Variants in PRKCH observed in about 807,000 individuals in gnomAD.
The protein encoded by PRKCH is protein kinase C eta type.
PRKCH carries 28 observed loss-of-function variants against 82.5 expected under a neutral mutation model. That is an observed-to-expected ratio of 0.34 (90% CI 0.25 to 0.47). The LOEUF is 0.47. PRKCH is among the 20% of genes least tolerant of loss of function. The probability of loss-of-function intolerance (pLI) is 1.00; values close to 1 mark genes in which losing one functional copy is unlikely to be tolerated. For missense variants in PRKCH, 705 were observed against 881.8 expected (o/e 0.80, Z 2.54); for synonymous variants, 322 against 327.4 (o/e 0.98, Z 0.18).
At chr14:61,490,614 A>G (rs1238426915) in intron 10 of PRKCH, among the ~76,000 whole-genome samples, 1 of 152,188 alleles carries the variant, frequency 6.6e-6, no homozygotes, top group Non-Finnish European at 1.5e-5. Flanking sequence ...TCCGTTTCCA[A>G]ATGAATTTGT....
chr14:61,358,208 C>G (rs989988505), intron 1 of PRKCH, among the ~76,000 whole-genome samples: 1 of 152,166 alleles, frequency 6.6e-6, no homozygotes, highest in Non-Finnish European at 1.5e-5. Context: ...GATAAAAATA[C>G]TATCCATCTC....
intron 1 of PRKCH, among the ~76,000 whole-genome samples, chr14:61,331,496 G>A (rs1305768321): frequency 6.6e-6 from 1 of 152,068 alleles, no homozygotes; most frequent in Non-Finnish European, 1.5e-5. Flanking sequence ...TCCTCAGCCT[G>A]GGCAACAGAG....
At chr14:61,279,011 AC>A (rs1296433256) in intron 1 of PRKCH, 1 of 150,894 alleles carries the variant, frequency 6.6e-6, no homozygotes, top group South Asian at 2.1e-4. Flanking sequence ...ACACACACAC[AC>A]AATGACAAAG....
At chr14:61,514,076 C>T (rs1238313278) in intron 10 of PRKCH, among the ~76,000 whole-genome samples, 1 of 152,026 alleles carries the variant, frequency 6.6e-6, no homozygotes, top group African/African-American at 2.4e-5. Context: ...TCCAGCCTGC[C>T]TACCCTGCTT....
chr14:61,550,910 A>G lies in PRKCH; in HGVS notation c.*1079A>G, dbSNP rs1008105173. 8 of 152,344 alleles carry G rather than the reference A, an allele frequency of 5.3e-5. No homozygotes were observed. Among genetic ancestry groups the G allele is most frequent in the Middle Eastern group, 3.4e-3 (1 of 294 alleles). 9.4% of individuals were successfully genotyped at this position (152,344 alleles called of 1,614,324 possible). On this transcript the variant is annotated 3_prime_UTR_variant, in exon 14 of 14. Transcript: ENST00000332981. Reference sequence around the variant, plus strand: ...GGGCATATATCAAAGATGACCTTATAATATGTACCCGAATATACAGTTCAA... The same window carrying G: ...GGGCATATATCAAAGATGACCTTATGATATGTACCCGAATATACAGTTCAA...
intron 1 of PRKCH, among the ~76,000 whole-genome samples, chr14:61,311,235 G>T (rs1348466719): frequency 2.6e-4 from 40 of 152,194 alleles, no homozygotes; most frequent in Admixed American, 2.6e-3. Flanking sequence ...CCCAGAAAAT[G>T]GGTTTTTCTT....
chr14:61,220,382 G>A (rs2044646533), intron 1 of PRKCH, among the ~76,000 whole-genome samples: 1 of 152,238 alleles, frequency 6.6e-6, no homozygotes, highest in African/African-American at 2.4e-5. Flanking sequence ...TTGGATGAAG[G>A]AAAGGAAGCC....
At chr14:61,537,158 T>C (rs2043121583) in intron 12 of PRKCH, among the ~76,000 whole-genome samples, 1 of 152,198 alleles carries the variant, frequency 6.6e-6, no homozygotes, top group Admixed American at 6.5e-5. Context: ...CTTCTGTCTT[T>C]CTCATCTTTG....
At chr14:61,385,947 G>C (rs181550609) in intron 1 of PRKCH, among the ~76,000 whole-genome samples, 1 of 152,322 alleles carries the variant, frequency 6.6e-6, no homozygotes, top group Admixed American at 6.5e-5. Flanking sequence ...GTCTTGAATT[G>C]ATGGACAAAT....
intron 10 of PRKCH, among the ~76,000 whole-genome samples, chr14:61,490,029 T>C (rs115691253): frequency 0.012 from 1,799 of 152,338 alleles, 32 homozygotes; most frequent in African/African-American, 0.041. Flanking sequence ...CTCCTCACCA[T>C]GTTACCCCTG....
At chr14:61,398,535 C>G (rs1183202982) in intron 2 of PRKCH, among the ~76,000 whole-genome samples, 1 of 152,182 alleles carries the variant, frequency 6.6e-6, no homozygotes, top group Non-Finnish European at 1.5e-5. Flanking sequence ...CAGGGAACCA[C>G]AAACTTAAAT....
chr14:61,323,179 C>T (rs2045652783), intron 1 of PRKCH, among the ~76,000 whole-genome samples: 1 of 152,112 alleles, frequency 6.6e-6, no homozygotes, highest in African/African-American at 2.4e-5. Flanking sequence ...AACTGTCTTC[C>T]CTCCCCCCAT....
chr14:61,280,630 G>T lies in PRKCH; in HGVS notation c.-19+92962G>T. The stretch of plus-strand genomic sequence containing the variant: ...CTGGCGCTGGTGCCAAAGCGAGAAG[G>T]AGTCGTTGAAGAGGCTGTTGGCGAT... On this transcript the variant is annotated intron_variant, in intron 1 of 3. Coordinates refer to the PRKCH transcript ENST00000555185. The surrounding 1 kb of genome is among the most constrained non-coding windows in gnomAD (Gnocchi z 5.0). 6.3e-7 allele frequency: 1 copy of T among 1,577,036 alleles called. No homozygotes were observed. Among genetic ancestry groups the T allele is most frequent in the South Asian group, 1.1e-5 (1 of 87,430 alleles).
At chr14:61,383,601 A>G (rs1393815823) in intron 1 of PRKCH, among the ~76,000 whole-genome samples, 4 of 152,056 alleles carry the variant, frequency 2.6e-5, no homozygotes, top group Non-Finnish European at 5.9e-5. Context: ...TCGGTAACCC[A>G]TCCAACCTGT....
intron 6 of PRKCH, chr14:61,452,891 C>T (rs367637900): frequency 3.3e-5 from 9 of 272,532 alleles, no homozygotes; most frequent in Admixed American, 1.5e-4. Context: ...TGTGAATTGC[C>T]GCTACGATAA....
intron 2 of PRKCH, among the ~76,000 whole-genome samples, chr14:61,406,941 A>T (rs1164191019): frequency 1.3e-5 from 2 of 151,736 alleles, no homozygotes; most frequent in African/African-American, 4.8e-5. Flanking sequence ...GTTTGCTGTG[A>T]TTGGAGTAGT....
rs551168101 is a variant in PRKCH at position 61,299,124 on chromosome 14, T to C, written c.-19+111456T>C. 7.2e-5 allele frequency among the ~76,000 whole-genome samples: 11 copies of C among 152,266 alleles called. No individual in the cohort carries two copies. The South Asian group carries it at 2.3e-3, about 32-fold the overall frequency. On this transcript the variant is annotated intron_variant, in intron 1 of 3. Coordinates refer to the PRKCH transcript ENST00000555185. The stretch of plus-strand genomic sequence containing the variant: ...ATAATGTAGGGTAAAGGAGAATAAC[T>C]TCATTTACACCATGAGAACACAGTG...
At chr14:61,349,656 T>C in intron 1 of PRKCH, among the ~76,000 whole-genome samples, 1 of 151,996 alleles carries the variant, frequency 6.6e-6, no homozygotes, top group South Asian at 2.1e-4. Flanking sequence ...AGGTCAGGAG[T>C]TCGAGACCAG....
intron 10 of PRKCH, among the ~76,000 whole-genome samples, chr14:61,509,605 C>G (rs1255367851): frequency 1.3e-5 from 2 of 152,106 alleles, no homozygotes; most frequent in Non-Finnish European, 2.9e-5. Flanking sequence ...TGAATGTTGG[C>G]TGGGTGTGGT....
Sources: gnomAD v4.1 joint callset for allele counts (sites outside exome capture counted in the v4.1 genomes callset) on GRCh38, gnomAD v4.1.1 for gene constraint, Gnocchi (gnomAD v3.1) non-coding constraint, MANE v1.5 for transcripts, NCBI Gene and HGNC (gene_info 2026-07-23, HGNC 2026-07-21) for gene names.